The following NARS2 variants were observed in gnomAD, a reference collection of about 807,000 sequenced individuals.
The protein encoded by NARS2 is asparaginyl-tRNA synthetase 2, mitochondrial.
Under a neutral mutation model 62.9 loss-of-function variants are expected in NARS2, and 60 were observed. That is an observed-to-expected ratio of 0.95 (90% CI 0.77 to 1.18). The LOEUF is 1.18. NARS2 is among the 50% of genes most tolerant of loss of function. The pLI is 0.00. For synonymous variants in NARS2, 196 were observed against 200.0 expected (o/e 0.98, Z 0.17); for missense variants, 619 against 576.4 (o/e 1.07, Z -0.76).
At chr11:78,537,280 G>A (rs531501008) in intron 5 of NARS2, among the ~76,000 whole-genome samples, 121 of 152,306 alleles carry the variant, frequency 7.9e-4, no homozygotes, top group African/African-American at 2.8e-3. Flanking sequence ...ATGAATGAGT[G>A]CCTGGATTCA....
At chr11:78,465,349 C>A (rs1224732146) in intron 11 of NARS2, among the ~76,000 whole-genome samples, 2 of 152,250 alleles carry the variant, frequency 1.3e-5, no homozygotes, top group Non-Finnish European at 2.9e-5. Context: ...AAAGGGGCTC[C>A]CACAGTGCAG....
intron 6 of NARS2, among the ~76,000 whole-genome samples, chr11:78,517,886 CTTAA>C (rs1328058221): frequency 6.6e-6 from 1 of 152,188 alleles, no homozygotes; most frequent in African/African-American, 2.4e-5. Flanking sequence ...TAACTTTGAA[CTTAA>C]TTAATACACC....
At chr11:78,488,234 TAAAA>T (rs34959536) in intron 7 of NARS2, among the ~76,000 whole-genome samples, 33,455 of 128,778 alleles carry the variant, frequency 0.26, 4,096 homozygotes, top group East Asian at 0.45. Flanking sequence ...GCCTACCTGG[TAAAA>T]AAAAAAAAAA....
chr11:78,550,714 C>A (rs1211074222), intron 5 of NARS2, among the ~76,000 whole-genome samples: 1 of 152,136 alleles, frequency 6.6e-6, no homozygotes, highest in African/African-American at 2.4e-5. Flanking sequence ...TTAAGGTTTA[C>A]AACATGACCC....
At chr11:78,480,336 C>T (rs1465386783) in intron 7 of NARS2, among the ~76,000 whole-genome samples, 1 of 152,012 alleles carries the variant, frequency 6.6e-6, no homozygotes, top group Admixed American at 6.6e-5. Flanking sequence ...CTCACTGTAG[C>T]CTCTGCCTCC....
At chr11:78,451,604 A>C (rs1857975032) in intron 11 of NARS2, among the ~76,000 whole-genome samples, 1 of 152,214 alleles carries the variant, frequency 6.6e-6, no homozygotes, top group Non-Finnish European at 1.5e-5. Context: ...TGGCTTATAG[A>C]GCCAAGGACA....
chr11:78,561,272 G>A (rs1002153936), intron 4 of NARS2, among the ~76,000 whole-genome samples: 2 of 152,132 alleles, frequency 1.3e-5, no homozygotes, highest in African/African-American at 2.4e-5. Context: ...TAATACAGCC[G>A]TGCAAACAAA....
At chr11:78,552,026 G>T (rs975588246) in intron 5 of NARS2, among the ~76,000 whole-genome samples, 2 of 152,070 alleles carry the variant, frequency 1.3e-5, no homozygotes, top group Non-Finnish European at 2.9e-5. Flanking sequence ...TAGGTTTGGG[G>T]ATACATGTGA....
intron 7 of NARS2, among the ~76,000 whole-genome samples, chr11:78,482,978 C>G (rs1414061170): frequency 6.6e-6 from 1 of 152,102 alleles, no homozygotes; most frequent in African/African-American, 2.4e-5. Context: ...AACATCAATA[C>G]GAAAATCCTT....
chr11:78,438,526 A>C (rs1382875384), intron 13 of NARS2, among the ~76,000 whole-genome samples: 1 of 152,158 alleles, frequency 6.6e-6, no homozygotes, highest in Non-Finnish European at 1.5e-5. Context: ...TCATACATTG[A>C]TATTGAAACA....
chr11:78,511,398 T>C (rs868416333), intron 6 of NARS2, among the ~76,000 whole-genome samples: 31 of 152,226 alleles, frequency 2.0e-4, no homozygotes, highest in Middle Eastern at 3.4e-3. Context: ...ATCTTGATCA[T>C]GGAAGTAGTT....
At chr11:78,540,956 C>T (rs1291071538) in intron 5 of NARS2, among the ~76,000 whole-genome samples, 3 of 152,212 alleles carry the variant, frequency 2.0e-5, no homozygotes, top group East Asian at 3.9e-4. Context: ...GTCAGGAGTT[C>T]GAGACCAGCC....
chr11:78,518,757 T>A (rs1360302336), intron 6 of NARS2, among the ~76,000 whole-genome samples: 21 of 152,178 alleles, frequency 1.4e-4, no homozygotes, highest in Admixed American at 1.4e-3. Flanking sequence ...AACTTTGTGA[T>A]CTGCCCACCT....
rs1351963152 is a variant in NARS2 at position 78,568,725 on chromosome 11, T to C, written c.279A>G (p.Glu93=). The part of the protein sequence containing the change: ...SRELNFGSSV[E]VQGQLIKSPS... ...GACTTTTTATCAGCTGCCCTTGTACTTCCACAGAACTCCCAAAATTTAATT... is the reference window on the plus strand; with the variant it reads ...GACTTTTTATCAGCTGCCCTTGTACCTCCACAGAACTCCCAAAATTTAATT... Residue 93 remains glutamate (E), a synonymous_variant, in exon 3 of 14, where the codon GAA becomes GAG. Transcript: ENST00000281038. The C allele has an allele frequency of 1.2e-6, 2 of 1,610,492 alleles. No homozygotes were observed. Among genetic ancestry groups the C allele is most frequent in the South Asian group, 1.1e-5 (1 of 90,612 alleles).
chr11:78,437,852 G>A (rs1291863694), intron 13 of NARS2, among the ~76,000 whole-genome samples: 1 of 151,688 alleles, frequency 6.6e-6, no homozygotes, highest in Non-Finnish European at 1.5e-5. Flanking sequence ...GCGCCCGTCT[G>A]TAATCCCAGC....
chr11:78,515,983 C>T (rs1860895975), intron 6 of NARS2, among the ~76,000 whole-genome samples: 1 of 152,174 alleles, frequency 6.6e-6, no homozygotes, highest in Non-Finnish European at 1.5e-5. Context: ...CTTTGTCTTC[C>T]CTGTACTAAA....
intron 5 of NARS2, among the ~76,000 whole-genome samples, chr11:78,546,070 G>A (rs983223066): frequency 2.0e-5 from 3 of 152,162 alleles, no homozygotes; most frequent in Non-Finnish European, 4.4e-5. Context: ...TCAACTGAGT[G>A]GTTCTTGTAT....
chr11:78,445,834 C>T (rs914901874), intron 11 of NARS2, among the ~76,000 whole-genome samples: 1 of 152,026 alleles, frequency 6.6e-6, no homozygotes, highest in Non-Finnish European at 1.5e-5. Flanking sequence ...GTGGTGCATG[C>T]CTGTGGTCCC....
At chr11:78,492,625 A>T (rs1379539925) in intron 7 of NARS2, among the ~76,000 whole-genome samples, 3 of 152,196 alleles carry the variant, frequency 2.0e-5, no homozygotes, top group African/African-American at 7.2e-5. Flanking sequence ...GGTTTATGTA[A>T]GTATTACAGA....
Sources: allele counts gnomAD v4.1 joint callset (sites outside exome capture counted in the v4.1 genomes callset), GRCh38; gene constraint gnomAD v4.1.1; transcripts MANE v1.5; gene names NCBI Gene and HGNC (gene_info 2026-07-23, HGNC 2026-07-21).